Variants in CCSER1 observed in about 807,000 individuals in gnomAD.
The protein encoded by CCSER1 is coiled-coil serine rich protein 1, also known as serine-rich coiled-coil domain-containing protein 1.
A neutral mutation model predicts 82.0 loss-of-function variants in CCSER1; 41 were observed. The ratio of observed to expected loss-of-function variants is 0.50; its 90% CI spans 0.39 to 0.65. CCSER1 has a LOEUF of 0.65. CCSER1 is among the 30% of genes least tolerant of loss of function. The probability of loss-of-function intolerance (pLI) is 0.00; values close to 1 mark genes in which losing one functional copy is unlikely to be tolerated. For missense variants in CCSER1, 1,119 were observed against 1,064.2 expected, an observed-to-expected ratio of 1.05 and a Z score of -0.72; for synonymous variants, 414 against 383.9, an observed-to-expected ratio of 1.08 and a Z score of -0.92.
intron 1 of CCSER1, among the ~76,000 whole-genome samples, chr4:90,218,536 T>A (rs1741530867): frequency 6.6e-6 from 1 of 152,154 alleles, no homozygotes; most frequent in African/African-American, 2.4e-5. Context: ...AAATAAAACA[T>A]TAAACTTGCA....
intron 1 of CCSER1, among the ~76,000 whole-genome samples, chr4:90,205,658 C>A (rs949090408): frequency 1.3e-5 from 2 of 152,052 alleles, no homozygotes; most frequent in African/African-American, 4.8e-5. Context: ...CTGAAATTTT[C>A]TTTTTTTGTT....
intron 8 of CCSER1, among the ~76,000 whole-genome samples, chr4:90,920,031 G>C (rs576159476): frequency 4.7e-4 from 72 of 151,988 alleles, no homozygotes; most frequent in African/African-American, 1.6e-3. Context: ...AAATTGAGTT[G>C]TTTTAATTCT....
intron 5 of CCSER1, among the ~76,000 whole-genome samples, chr4:90,597,968 A>G (rs1434384661): frequency 6.6e-6 from 1 of 151,710 alleles, no homozygotes; most frequent in Non-Finnish European, 1.5e-5. Flanking sequence ...AAATGGCAGG[A>G]TCTGATTTTT....
intron 1 of CCSER1, among the ~76,000 whole-genome samples, chr4:90,136,534 G>T (rs1194552980): frequency 1.3e-5 from 2 of 152,128 alleles, no homozygotes; most frequent in South Asian, 4.1e-4. Context: ...ATCTGTTAAT[G>T]AATGTTTGTT....
At chr4:91,146,061 T>C (rs548653883) in intron 10 of CCSER1, among the ~76,000 whole-genome samples, 1 of 152,298 alleles carries the variant, frequency 6.6e-6, no homozygotes, top group South Asian at 2.1e-4. Context: ...GGAATGCCAA[T>C]GAATCATAGA....
At chr4:90,334,243 G>T (rs902738729) in intron 3 of CCSER1, among the ~76,000 whole-genome samples, 1 of 152,228 alleles carries the variant, frequency 6.6e-6, no homozygotes. Flanking sequence ...AGATAGAGAA[G>T]AGCTAGGCCA....
At chr4:91,078,647 A>G (rs966559810) in intron 9 of CCSER1, among the ~76,000 whole-genome samples, 1 of 152,232 alleles carries the variant, frequency 6.6e-6, no homozygotes, top group Non-Finnish European at 1.5e-5. Context: ...CTAAAGGAGG[A>G]TGTACGAACC....
chr4:91,081,410 T>C (rs1281593236), intron 9 of CCSER1, among the ~76,000 whole-genome samples: 1 of 152,104 alleles, frequency 6.6e-6, no homozygotes, highest in African/African-American at 2.4e-5. Flanking sequence ...ATGGGACATA[T>C]CTCAAAATAA....
At chr4:90,210,452 T>TA (rs1460045582) in intron 1 of CCSER1, among the ~76,000 whole-genome samples, 1 of 148,844 alleles carries the variant, frequency 6.7e-6, no homozygotes, top group Non-Finnish European at 1.5e-5. Context: ...TTTCTTTTCT[T>TA]TTTTTTTTTT....
chr4:91,057,639 G>A (rs1743569868), intron 9 of CCSER1, among the ~76,000 whole-genome samples: 1 of 152,072 alleles, frequency 6.6e-6, no homozygotes, highest in African/African-American at 2.4e-5. Context: ...GACAATTGTT[G>A]AGTTTTGCTC....
At chr4:90,944,706 G>A (rs1029229272) in intron 9 of CCSER1, among the ~76,000 whole-genome samples, 2 of 152,092 alleles carry the variant, frequency 1.3e-5, no homozygotes, top group African/African-American at 4.8e-5. Flanking sequence ...TCCTTAACCT[G>A]GGACATGCTG....
intron 8 of CCSER1, among the ~76,000 whole-genome samples, chr4:90,820,194 T>A (rs1000630343): frequency 1.3e-5 from 2 of 152,196 alleles, no homozygotes; most frequent in African/African-American, 4.8e-5. Context: ...ACCTCTAATC[T>A]TAATTGCCTA....
At chr4:91,355,470 GA>G (rs1560607935) in intron 10 of CCSER1, among the ~76,000 whole-genome samples, 1 of 152,112 alleles carries the variant, frequency 6.6e-6, no homozygotes, top group Non-Finnish European at 1.5e-5. Flanking sequence ...ACCTTGGATA[GA>G]ATAGCATTAT....
Position 90,625,617 on chromosome 4 carries a change from A to G in CCSER1, c.1725-2408A>G, listed in dbSNP as rs541134000. On this transcript the variant is annotated intron_variant, in intron 5 of 10. Coordinates refer to ENST00000509176, the MANE Select transcript of CCSER1 (RefSeq NM_001145065.2). ...AGAATATTAGTTTTTTTTGGTATCAACTACTAAAAAGTTAATAATTGTGGT... is the reference window on the plus strand; with the variant it reads ...AGAATATTAGTTTTTTTTGGTATCAGCTACTAAAAAGTTAATAATTGTGGT... Among the ~76,000 whole-genome samples the G allele has an allele frequency of 1.4e-4, 22 of 152,304 alleles. No homozygotes were observed. In the South Asian group the frequency reaches 3.9e-3, roughly 27 times the overall value.
At position 90,140,702 on chromosome 4, in the gene CCSER1, G is replaced by T. The variant is rs1316288377; in HGVS notation, c.-42+12871G>T. ...TTTTTTTGAGACGGAGTCTTGCTCT[G>T]TTGCCAGGCTAGAGTGCTGTGGTGC... is the stretch of plus-strand genomic sequence containing the variant. On this transcript the variant is annotated intron_variant, in intron 1 of 10. Transcript: ENST00000509176. 2.9e-5 allele frequency among the ~76,000 whole-genome samples: 3 copies of T among 103,468 alleles called. No homozygotes were observed. The East Asian group carries it at 9.7e-4, about 33-fold the overall frequency. 67.9% of individuals were successfully genotyped at this position (103,468 alleles called of 152,430 possible).
intron 10 of CCSER1, among the ~76,000 whole-genome samples, chr4:91,213,898 T>C (rs1737033260): frequency 6.6e-6 from 1 of 152,138 alleles, no homozygotes; most frequent in South Asian, 2.1e-4. Flanking sequence ...CTAACTGTTA[T>C]TACTGTGCTT....
At chr4:90,581,092 T>G (rs2148635494) in intron 5 of CCSER1, among the ~76,000 whole-genome samples, 1 of 152,266 alleles carries the variant, frequency 6.6e-6, no homozygotes, top group East Asian at 1.9e-4. Flanking sequence ...CCAGAAATTT[T>G]AATTCAAATG....
chr4:90,445,696 G>A (rs377162101), intron 4 of CCSER1, among the ~76,000 whole-genome samples: 1 of 152,154 alleles, frequency 6.6e-6, no homozygotes, highest in Non-Finnish European at 1.5e-5. Context: ...GAAGTTAAGA[G>A]AAGTTTTATA....
intron 10 of CCSER1, among the ~76,000 whole-genome samples, chr4:91,142,968 T>C (rs1006967020): frequency 7.9e-5 from 12 of 151,840 alleles, no homozygotes; most frequent in Non-Finnish European, 1.6e-4. Context: ...TTGAACTCTT[T>C]TTTGGTTCTA....
Sources: gnomAD v4.1 joint callset for allele counts (sites outside exome capture counted in the v4.1 genomes callset) on GRCh38, gnomAD v4.1.1 for gene constraint, MANE v1.5 for transcripts, NCBI Gene and HGNC (gene_info 2026-07-23, HGNC 2026-07-21) for gene names.